CSMD1: variants seen among roughly 807,000 people sequenced by gnomAD.
CSMD1 encodes the protein CUB and sushi domain-containing protein 1.
In CSMD1, 213 loss-of-function variants were observed where a neutral mutation model predicts 417.5. The observed-to-expected ratio is 0.51, with a 90% CI of 0.46 to 0.57. The LOEUF (loss-of-function observed/expected upper bound fraction) is 0.57. CSMD1 is among the 20% of genes least tolerant of loss of function. CSMD1 has a pLI of 0.00. For missense variants in CSMD1, 6,923 were observed against 4,529.7 expected, an observed-to-expected ratio of 1.53 and a Z score of -15.17; for synonymous variants, 2,862 against 1,736.8, an observed-to-expected ratio of 1.65 and a Z score of -16.11.
intron 3 of CSMD1, among the ~76,000 whole-genome samples, chr8:4,109,084 T>C (rs1027187369): frequency 6.6e-6 from 1 of 152,214 alleles, no homozygotes; most frequent in Non-Finnish European, 1.5e-5. Flanking sequence ...TATAACCGCA[T>C]CCATTCTCCC....
chr8:3,709,605 T>G (rs987987186), intron 6 of CSMD1, among the ~76,000 whole-genome samples: 3 of 146,302 alleles, frequency 2.1e-5, no homozygotes, highest in African/African-American at 7.6e-5. Context: ...AAGGCCCAAA[T>G]AGAACAAAAG....
intron 11 of CSMD1, among the ~76,000 whole-genome samples, chr8:3,485,763 AAAATAAAAT>A (rs1817993801): frequency 5.5e-4 from 2 of 3,620 alleles, no homozygotes; most frequent in Admixed American, 3.8e-3. Context: ...CAGCCTCAAA[AAAATAAAAT>A]AAAATAAAAT....
At chr8:3,159,246 C>T (rs138817365) in intron 38 of CSMD1, among the ~76,000 whole-genome samples, 148 of 152,246 alleles carry the variant, frequency 9.7e-4, no homozygotes, top group African/African-American at 3.5e-3. Context: ...TAATATTCTG[C>T]TATTGATTTT....
At chr8:3,391,518 A>T (rs1309021479) in intron 17 of CSMD1, among the ~76,000 whole-genome samples, 1 of 152,216 alleles carries the variant, frequency 6.6e-6, no homozygotes, top group East Asian at 1.9e-4. Context: ...ATATACAGAC[A>T]CTGTGCCACA....
chr8:3,302,335 C>T (rs2117348282), intron 25 of CSMD1, among the ~76,000 whole-genome samples: 1 of 152,256 alleles, frequency 6.6e-6, no homozygotes, highest in African/African-American at 2.4e-5. Flanking sequence ...CCATCGTTCT[C>T]ATCACAGCAT....
At chr8:2,954,349 A>G in intron 64 of CSMD1, 81 bp from the exon 65 acceptor site, 4 of 834,470 alleles carry the variant, frequency 4.8e-6, no homozygotes, top group Non-Finnish European at 7.3e-6. Flanking sequence ...AATTGAAGCA[A>G]TTTTCCTTTC....
chr8:3,267,243 T>C (rs1278896005), intron 26 of CSMD1, among the ~76,000 whole-genome samples: 1 of 152,114 alleles, frequency 6.6e-6, no homozygotes, highest in East Asian at 1.9e-4. Context: ...CTAGCTTGCA[T>C]GACCGTTGGA....
At chr8:4,819,373 G>C (rs1471498602) in intron 1 of CSMD1, among the ~76,000 whole-genome samples, 1 of 152,010 alleles carries the variant, frequency 6.6e-6, no homozygotes, top group Admixed American at 6.6e-5. Flanking sequence ...ATGGAAATAG[G>C]CCTCTCAAAT....
intron 1 of CSMD1, among the ~76,000 whole-genome samples, chr8:4,951,330 T>A (rs1437379739): frequency 6.6e-6 from 1 of 152,092 alleles, no homozygotes; most frequent in Non-Finnish European, 1.5e-5. Context: ...CAAACCATAT[T>A]TCTATTACTT....
intron 5 of CSMD1, among the ~76,000 whole-genome samples, chr8:3,987,841 C>G (rs78111054): frequency 2.6e-5 from 4 of 152,180 alleles, no homozygotes; most frequent in Non-Finnish European, 5.9e-5. Flanking sequence ...TAATTGACAG[C>G]CTGCCAAAAA....
At chr8:3,735,251 ATT>A (rs1267864465) in intron 6 of CSMD1, among the ~76,000 whole-genome samples, 2 of 152,166 alleles carry the variant, frequency 1.3e-5, no homozygotes, top group African/African-American at 4.8e-5. Flanking sequence ...ATTTAGTGAT[ATT>A]ACTCAACACA....
intron 5 of CSMD1, among the ~76,000 whole-genome samples, chr8:3,917,731 A>C (rs2129142429): frequency 6.6e-6 from 1 of 152,266 alleles, no homozygotes; most frequent in East Asian, 1.9e-4. Context: ...AGAAACCGTC[A>C]CCACTCTCAA....
chr8:4,679,323 C>T (rs562593810), intron 1 of CSMD1, among the ~76,000 whole-genome samples: 1 of 152,304 alleles, frequency 6.6e-6, no homozygotes, highest in South Asian at 2.1e-4. Flanking sequence ...TTGACACCTT[C>T]TGCCCATTTT....
chr8:3,243,836 C>G (rs1476843858), intron 26 of CSMD1, among the ~76,000 whole-genome samples: 2 of 151,216 alleles, frequency 1.3e-5, no homozygotes, highest in African/African-American at 4.9e-5. Context: ...TATGTATATG[C>G]AAAGTTTTGT....
At chr8:4,601,931 G>A (rs1358942767) in intron 2 of CSMD1, among the ~76,000 whole-genome samples, 1 of 152,164 alleles carries the variant, frequency 6.6e-6, no homozygotes, top group Non-Finnish European at 1.5e-5. Flanking sequence ...AATTCCTTGT[G>A]AAGCTTATAC....
At chr8:3,973,812 C>A (rs1054755991) in intron 5 of CSMD1, among the ~76,000 whole-genome samples, 1 of 152,058 alleles carries the variant, frequency 6.6e-6, no homozygotes, top group Non-Finnish European at 1.5e-5. Context: ...CCAGCCCTGG[C>A]CTTTTATGTG....
intron 3 of CSMD1, among the ~76,000 whole-genome samples, chr8:4,399,611 G>A (rs992254857): frequency 6.6e-6 from 1 of 151,788 alleles, no homozygotes; most frequent in Non-Finnish European, 1.5e-5. Context: ...ATTTGTAGTT[G>A]TAACACCATC....
At chr8:2,967,967 G>T (rs996181452) in intron 57 of CSMD1, among the ~76,000 whole-genome samples, 1 of 152,158 alleles carries the variant, frequency 6.6e-6, no homozygotes, top group Non-Finnish European at 1.5e-5. Flanking sequence ...GCAGACAGAA[G>T]TACTCAATCA....
At chr8:4,477,325 G>C (rs1362082944) in intron 2 of CSMD1, among the ~76,000 whole-genome samples, 1 of 152,144 alleles carries the variant, frequency 6.6e-6, no homozygotes, top group Non-Finnish European at 1.5e-5. Flanking sequence ...AGGCGTTGGT[G>C]CTGGAAGGAG....
Sources: allele counts gnomAD v4.1 joint callset (sites outside exome capture counted in the v4.1 genomes callset), GRCh38; gene constraint gnomAD v4.1.1; transcripts MANE v1.5; gene names NCBI Gene and HGNC (gene_info 2026-07-23, HGNC 2026-07-21).